ADAMTS3: variants seen among roughly 807,000 people sequenced by gnomAD.
ADAMTS3 encodes the protein A disintegrin and metalloproteinase with thrombospondin motifs 3.
ADAMTS3 carries 73 observed loss-of-function variants against 129.0 expected under a neutral mutation model. The ratio of observed to expected loss-of-function variants is 0.57; its 90% CI spans 0.47 to 0.69. ADAMTS3 has a LOEUF of 0.69. ADAMTS3 is among the 30% of genes least tolerant of loss of function. The pLI is 0.00. For synonymous variants in ADAMTS3, 477 were observed against 510.8 expected (o/e 0.93, Z 0.89); for missense variants, 1,457 against 1,514.5 (o/e 0.96, Z 0.63).
intron 4 of ADAMTS3, among the ~76,000 whole-genome samples, chr4:72,390,587 AT>A (rs1417988323): frequency 2.6e-5 from 4 of 152,170 alleles, no homozygotes; most frequent in Admixed American, 1.3e-4. Flanking sequence ...TCAACTAAAA[AT>A]AACTACATTT....
At chr4:72,478,273 C>T (rs1349061397) in intron 3 of ADAMTS3, among the ~76,000 whole-genome samples, 4 of 151,922 alleles carry the variant, frequency 2.6e-5, no homozygotes, top group African/African-American at 9.7e-5. Context: ...CCTTGATGAA[C>T]ATTGATGCAA....
intron 3 of ADAMTS3, among the ~76,000 whole-genome samples, chr4:72,490,934 C>T (rs542419929): frequency 5.9e-5 from 9 of 151,798 alleles, no homozygotes; most frequent in Non-Finnish European, 1.2e-4. Flanking sequence ...AACATTTTAA[C>T]AATATTAATT....
At position 72,319,465 on chromosome 4, in the gene ADAMTS3, C is replaced by T. The variant is rs1406586324; in HGVS notation, c.1219G>A (p.Glu407Lys). Residue 407 changes from glutamate to lysine, a missense_variant, in exon 9 of 22, where the codon GAG (glutamate) becomes AAG (lysine). Transcript: ENST00000286657. ...CACCTGTTGCCTTGTCCATCATGCT[C>T]CATTCCCAACCTAGAACACAAAGAG... Reference protein sequence around the residue: ...AHETGHVLGMEHDGQGNRCGD... With the variant: ...AHETGHVLGMKHDGQGNRCGD... 1.2e-6 allele frequency: 2 copies of T among 1,612,434 alleles called. No homozygotes were observed. Among genetic ancestry groups the T allele is most frequent in the Admixed American group, 3.4e-5 (2 of 59,588 alleles).
At chr4:72,516,649 G>A (rs527940511) in intron 3 of ADAMTS3, among the ~76,000 whole-genome samples, 10 of 152,168 alleles carry the variant, frequency 6.6e-5, no homozygotes, top group Non-Finnish European at 1.5e-5. Flanking sequence ...TCCGTTATTG[G>A]TGTATAAGAA....
chr4:72,479,489 A>C (rs1171652462), intron 3 of ADAMTS3, among the ~76,000 whole-genome samples: 2 of 152,238 alleles, frequency 1.3e-5, no homozygotes, highest in South Asian at 4.1e-4. Context: ...CTGGCTAGCC[A>C]TATGTAGAAA....
intron 3 of ADAMTS3, among the ~76,000 whole-genome samples, chr4:72,541,086 C>G (rs1043160258): frequency 6.6e-6 from 1 of 152,178 alleles, no homozygotes; most frequent in Non-Finnish European, 1.5e-5. Context: ...TCAACATCAG[C>G]CCATGATAGC....
chr4:72,329,209 C>T (rs150591137), intron 5 of ADAMTS3, among the ~76,000 whole-genome samples: 8 of 151,942 alleles, frequency 5.3e-5, no homozygotes, highest in Non-Finnish European at 8.8e-5. Flanking sequence ...AAAAGACATG[C>T]GGGCAATGTC....
chr4:72,294,400 T>C (rs1388078719), intron 19 of ADAMTS3, among the ~76,000 whole-genome samples: 1 of 152,082 alleles, frequency 6.6e-6, no homozygotes, highest in South Asian at 2.1e-4. Context: ...TGTCTATGGT[T>C]AATAATTATG....
At position 72,283,495 on chromosome 4, in the gene ADAMTS3, TA is replaced by T; in HGVS notation, c.3258del (p.Thr1087HisfsTer17). The T allele has an allele frequency of 6.2e-7, 1 of 1,614,056 alleles. No individual in the cohort carries two copies. Among genetic ancestry groups the T allele is most frequent in the Non-Finnish European group, 8.5e-7 (1 of 1,179,972 alleles). Reference protein sequence around the residue: ...PSDLPRSLVMPTSLVPYHSET... With the variant: ...PSDLPRSLVMXTSLVPYHSET... ...TCTGAATGATAAGGAACCAAAGATG[TA>T]GGCATCACTAGAGATCTAGGGAGGT... On this transcript the variant is annotated frameshift_variant, in exon 22 of 22. Coordinates refer to ENST00000286657, the MANE Select transcript of ADAMTS3 (RefSeq NM_014243.3). LOFTEE classifies it low-confidence loss of function (END_TRUNC).
intron 5 of ADAMTS3, among the ~76,000 whole-genome samples, chr4:72,327,848 T>G (rs1314224828): frequency 6.6e-6 from 1 of 152,120 alleles, no homozygotes; most frequent in East Asian, 1.9e-4. Context: ...TTAGGTAAAT[T>G]TTAAGAAAAT....
At chr4:72,350,544 C>G (rs1720406408) in intron 4 of ADAMTS3, among the ~76,000 whole-genome samples, 1 of 151,914 alleles carries the variant, frequency 6.6e-6, no homozygotes, top group African/African-American at 2.4e-5. Context: ...AGTTGTATTC[C>G]TATAAATATT....
At chr4:72,454,699 A>G (rs1319317110) in intron 3 of ADAMTS3, among the ~76,000 whole-genome samples, 1 of 151,680 alleles carries the variant, frequency 6.6e-6, no homozygotes, top group Non-Finnish European at 1.5e-5. Context: ...CAGGAGAAGG[A>G]TATTAACAAC....
intron 6 of ADAMTS3, among the ~76,000 whole-genome samples, chr4:72,321,966 T>C (rs527545885): frequency 9.3e-4 from 141 of 152,292 alleles, no homozygotes; most frequent in Non-Finnish European, 1.7e-3. Context: ...GTAGTTCTGA[T>C]GAAATGAAAA....
intron 2 of ADAMTS3, among the ~76,000 whole-genome samples, chr4:72,552,495 A>G (rs1024901536): frequency 1.3e-5 from 2 of 152,184 alleles, no homozygotes; most frequent in African/African-American, 4.8e-5. Context: ...TGTGGGCCGT[A>G]AGTTCCACAG....
chr4:72,324,826 A>C (rs1719659847), intron 5 of ADAMTS3, among the ~76,000 whole-genome samples: 1 of 152,168 alleles, frequency 6.6e-6, no homozygotes, highest in Admixed American at 6.5e-5. Context: ...AGAAGAGCTA[A>C]CAGCAAGGAG....
At chr4:72,562,290 T>A (rs1380779700) in intron 2 of ADAMTS3, among the ~76,000 whole-genome samples, 2 of 152,204 alleles carry the variant, frequency 1.3e-5, no homozygotes, top group African/African-American at 4.8e-5. Flanking sequence ...GGAGTTCAGA[T>A]CATACAGACT....
chr4:72,461,453 T>C (rs149145614), intron 3 of ADAMTS3, among the ~76,000 whole-genome samples: 1 of 151,770 alleles, frequency 6.6e-6, no homozygotes, highest in Non-Finnish European at 1.5e-5. Context: ...GATATTCTCT[T>C]TAGTCAATTC....
chr4:72,500,824 T>G (rs1237453519), intron 3 of ADAMTS3, among the ~76,000 whole-genome samples: 1 of 152,196 alleles, frequency 6.6e-6, no homozygotes, highest in African/African-American at 2.4e-5. Flanking sequence ...TCCGTTCTTC[T>G]GCAAATGGCT....
chr4:72,302,097 C>T (rs759747693), intron 17 of ADAMTS3, among the ~76,000 whole-genome samples: 1 of 151,960 alleles, frequency 6.6e-6, no homozygotes, highest in South Asian at 2.1e-4. Context: ...CTTAAAGGAT[C>T]AGAATGATCT....
Sources: allele counts gnomAD v4.1 joint callset (sites outside exome capture counted in the v4.1 genomes callset), GRCh38; gene constraint gnomAD v4.1.1; transcripts MANE v1.5; gene names NCBI Gene and HGNC (gene_info 2026-07-23, HGNC 2026-07-21).